Variants in TPGS2 observed in about 807,000 individuals in gnomAD.
The protein encoded by TPGS2 is polyglutamylase subunit 2.
A neutral mutation model predicts 31.1 loss-of-function variants in TPGS2; 26 were observed. The observed-to-expected ratio is 0.84, with a 90% CI of 0.61 to 1.16. TPGS2 has a LOEUF of 1.16. Among genes scored for constraint, TPGS2 ranks in the 50% most tolerant of loss-of-function variants. The pLI is 0.00. For synonymous variants in TPGS2, 130 were observed against 136.6 expected, an observed-to-expected ratio of 0.95 and a Z score of 0.34; for missense variants, 351 against 363.8, an observed-to-expected ratio of 0.96 and a Z score of 0.29.
At chr18:36,817,279 T>A (rs1352140288) in intron 2 of TPGS2, among the ~76,000 whole-genome samples, 1 of 152,158 alleles carries the variant, frequency 6.6e-6, no homozygotes, top group Admixed American at 6.5e-5. Flanking sequence ...ACTGCTTGCC[T>A]GCTGAGGGCA....
At position 36,794,150 on chromosome 18, in the gene TPGS2, G is replaced by T; in HGVS notation, c.*2655C>A. 1 of 448,324 alleles carries T rather than the reference G, an allele frequency of 2.2e-6. No homozygotes were observed. The highest frequency in any genetic ancestry group is 3.0e-6 in the Non-Finnish European group (1 of 338,948). 27.8% of individuals were successfully genotyped at this position (448,324 alleles called of 1,614,324 possible). ...TTTTTAGTTAGAACAGCATTAAGTA[G>T]CAAATAAAAAACACAGCCATAACAA... is the stretch of plus-strand genomic sequence containing the variant. On this transcript the variant is annotated 3_prime_UTR_variant, in exon 7 of 7. Transcript: ENST00000334295.
At chr18:36,825,168 C>T (rs1225802297) in intron 1 of TPGS2, among the ~76,000 whole-genome samples, 2 of 152,136 alleles carry the variant, frequency 1.3e-5, no homozygotes, top group Non-Finnish European at 2.9e-5. Flanking sequence ...CACGGTGGCT[C>T]ACACCTGTAA....
Position 36,796,363 on chromosome 18 carries a change from T to C in TPGS2, c.*442A>G. The C allele has an allele frequency of 1.0e-6, 1 of 977,382 alleles. No individual in the cohort carries two copies. The highest frequency in any genetic ancestry group is 1.2e-6 in the Non-Finnish European group (1 of 822,172). 60.5% of individuals were successfully genotyped at this position (977,382 alleles called of 1,614,324 possible). A position where few individuals can be genotyped will look rare whatever the true frequency, so the allele number is the denominator to read the frequency against. ...ACATGAATACTCAAAATGTGGCTAA[T>C]GCAATTGAAGAAATGAATTTTTCAT... is the stretch of plus-strand genomic sequence containing the variant. On this transcript the variant is annotated 3_prime_UTR_variant, in exon 7 of 7. Transcript: ENST00000334295.
At chr18:36,787,135 C>T in intron 6 of TPGS2, 2 of 1,232,012 alleles carry the variant, frequency 1.6e-6, no homozygotes, top group Non-Finnish European at 2.0e-6. Flanking sequence ...TAAAGATATT[C>T]CAGAGGCATG....
chr18:36,828,178 A>G (rs1312817975), intron 1 of TPGS2, among the ~76,000 whole-genome samples: 1 of 152,216 alleles, frequency 6.6e-6, no homozygotes, highest in East Asian at 1.9e-4. Context: ...CAAAATACAA[A>G]CAAGCAAGCA....
At chr18:36,804,302 A>T (rs2044997942) in intron 4 of TPGS2, among the ~76,000 whole-genome samples, 1 of 152,138 alleles carries the variant, frequency 6.6e-6, no homozygotes. Flanking sequence ...CCCCATTTGT[A>T]TGTGGAACAA....
chr18:36,827,843 A>AT (rs1027468654), intron 1 of TPGS2, among the ~76,000 whole-genome samples: 1 of 152,008 alleles, frequency 6.6e-6, no homozygotes, highest in Non-Finnish European at 1.5e-5. Context: ...TCATTTGTTT[A>AT]TTTTTTTCAC....
At chr18:36,810,475 A>G (rs1237292580) in intron 2 of TPGS2, among the ~76,000 whole-genome samples, 1 of 152,152 alleles carries the variant, frequency 6.6e-6, no homozygotes, top group Admixed American at 6.5e-5. Flanking sequence ...CTTCCCACAC[A>G]GATCCATGCC....
At chr18:36,798,781 C>T (rs2044659275) in intron 5 of TPGS2, among the ~76,000 whole-genome samples, 172 bp from the exon 6 acceptor site, 1 of 152,184 alleles carries the variant, frequency 6.6e-6, no homozygotes, top group Admixed American at 6.5e-5. Context: ...GTCTCCTTCT[C>T]TAGTGGCCAC....
At chr18:36,805,023 G>A (rs947535542) in intron 4 of TPGS2, among the ~76,000 whole-genome samples, 2 of 152,150 alleles carry the variant, frequency 1.3e-5, no homozygotes, top group African/African-American at 4.8e-5. Flanking sequence ...CAGATTTCTT[G>A]TTATGAGAAA....
downstream of TPGS2, chr18:36,794,067 G>A (rs1260440614): frequency 5.3e-6 from 1 of 187,522 alleles, no homozygotes; most frequent in African/African-American, 2.4e-5. Flanking sequence ...ATTTAAAACT[G>A]GAATTGCACA....
chr18:36,792,367 T>C (rs1015540429), downstream of TPGS2, among the ~76,000 whole-genome samples: 1 of 152,232 alleles, frequency 6.6e-6, no homozygotes, highest in Non-Finnish European at 1.5e-5. Context: ...GATGGATACA[T>C]GGGGATTCAT....
Position 36,794,293 on chromosome 18 carries a change from C to T in TPGS2, c.*2512G>A, listed in dbSNP as rs1044946992. ...TCTTCATTTTGTACTGGATCCTGCA[C>T]TGAGTGGAGTCAGTCCTGCTCTTCC... On this transcript the variant is annotated 3_prime_UTR_variant, in exon 7 of 7. Coordinates refer to ENST00000334295, the MANE Select transcript of TPGS2 (RefSeq NM_015476.4). 4 of 985,356 alleles carry T rather than the reference C, an allele frequency of 4.1e-6. No homozygotes were observed. The highest frequency in any genetic ancestry group is 4.8e-6 in the Non-Finnish European group (4 of 829,958). The allele number at this position is 985,356 out of a possible 1,614,324, so 61.0% of individuals were successfully genotyped here. A position where few individuals can be genotyped will look rare whatever the true frequency, so the allele number is the denominator to read the frequency against.
intron 4 of TPGS2, 65 bp from the exon 5 acceptor site, chr18:36,800,376 CA>C: frequency 7.2e-7 from 1 of 1,390,076 alleles, no homozygotes; most frequent in Non-Finnish European, 1.0e-6. Flanking sequence ...CCTATATATC[CA>C]ACTTTGCTAG....
chr18:36,785,922 T>C (rs2044114920), intron 6 of TPGS2, among the ~76,000 whole-genome samples: 1 of 152,148 alleles, frequency 6.6e-6, no homozygotes, highest in Admixed American at 6.6e-5. Flanking sequence ...GCTGAATGGG[T>C]TGGCCAAGTA....
intron 1 of TPGS2, chr18:36,823,885 T>C (rs921005147): frequency 8.1e-6 from 8 of 984,192 alleles, no homozygotes; most frequent in Non-Finnish European, 9.7e-6. Context: ...TGGATTAGAG[T>C]AGGAATTCTA....
At position 36,798,518 on chromosome 18, in the gene TPGS2, G is replaced by C; in HGVS notation, c.588C>G (p.Leu196=). 1.2e-6 allele frequency: 2 copies of C among 1,614,224 alleles called. No homozygotes were observed. Among genetic ancestry groups the C allele is most frequent in the Non-Finnish European group, 1.7e-6 (2 of 1,180,046 alleles). The change falls in exon 6 of 7, where the codon CTC becomes CTG. Residue 196 remains leucine (L), a synonymous_variant. Coordinates refer to ENST00000334295, the MANE Select transcript of TPGS2 (RefSeq NM_015476.4). ...ACTGGGGCAGGCCCAGGTGGGTGAT[G>C]AGCAGGCGGTAATAGGCAGTAAAGG... ...TDTFTAYYRL[L]ITHLGLPQWQ...
downstream of TPGS2, among the ~76,000 whole-genome samples, chr18:36,792,516 C>G (rs2044349487): frequency 6.6e-6 from 1 of 152,190 alleles, no homozygotes; most frequent in African/African-American, 2.4e-5. Context: ...GGAATAAAAA[C>G]AGATTTTGAA....
Position 36,796,682 on chromosome 18 carries a change from A to G in TPGS2, c.*123T>C, listed in dbSNP as rs532690667. 2.1e-6 allele frequency: 3 copies of G among 1,459,720 alleles called. No individual in the cohort carries two copies. The highest frequency in any genetic ancestry group is 5.7e-5 in the Admixed American group (2 of 35,308). 90.4% of individuals were successfully genotyped at this position (1,459,720 alleles called of 1,614,324 possible). ...TGTCGGTGGGACTAAAAGCCTTACA[A>G]TTTTGGTCATTCAACTAGAAAGAGG... On this transcript the variant is annotated 3_prime_UTR_variant, in exon 7 of 7. Transcript: ENST00000334295.
Sources: allele counts gnomAD v4.1 joint callset (sites outside exome capture counted in the v4.1 genomes callset), GRCh38; gene constraint gnomAD v4.1.1; transcripts MANE v1.5; gene names NCBI Gene and HGNC (gene_info 2026-07-23, HGNC 2026-07-21).